LIX1L: variants seen among roughly 807,000 people sequenced by gnomAD.
The protein encoded by LIX1L is limb and CNS expressed 1 like, also known as LIX1-like protein.
In LIX1L, 20 loss-of-function variants were observed where a neutral mutation model predicts 34.0. That is an observed-to-expected ratio of 0.59 (90% CI 0.41 to 0.85). The LOEUF is 0.85. Ranked by LOEUF, LIX1L falls within the 40% of genes least tolerant of loss-of-function variation. The pLI is 0.00. For missense variants in LIX1L, 397 were observed against 447.0 expected (o/e 0.89, Z 1.01); for synonymous variants, 170 against 187.4 (o/e 0.91, Z 0.76).
Position 145,933,964 on chromosome 1 carries a change from C to T in LIX1L, c.*2346G>A. 1 of 152,140 alleles carries T rather than the reference C, an allele frequency of 6.6e-6. No individual in the cohort carries two copies. Among genetic ancestry groups the T allele is most frequent in the East Asian group, 1.9e-4 (1 of 5,210 alleles). The allele number at this position is 152,140 out of a possible 1,614,324, so 9.4% of individuals were successfully genotyped here. A position where few individuals can be genotyped will look rare whatever the true frequency, so the allele number is the denominator to read the frequency against. On this transcript the variant is annotated 3_prime_UTR_variant, in exon 6 of 6. Transcript: ENST00000604000. ...TCAAATCCAAAAGAGCCAATTATAG[C>T]CTGTTTCATAATCTATTTTTATTGT...
intron 1 of LIX1L, among the ~76,000 whole-genome samples, chr1:145,953,711 G>T (rs1424033797): frequency 6.6e-6 from 1 of 152,156 alleles, no homozygotes; most frequent in Admixed American, 6.5e-5. Context: ...ATGGGGAGAT[G>T]ACCTAGATTA....
chr1:145,935,585 C>G lies in LIX1L; in HGVS notation c.*725G>C, dbSNP rs1467251403. 1 of 152,272 alleles carries G rather than the reference C, an allele frequency of 6.6e-6. No individual in the cohort carries two copies. Among genetic ancestry groups the G allele is most frequent in the Non-Finnish European group, 1.5e-5 (1 of 68,048 alleles). The allele number at this position is 152,272 out of a possible 1,614,324, so 9.4% of individuals were successfully genotyped here. A position where few individuals can be genotyped will look rare whatever the true frequency, so the allele number is the denominator to read the frequency against. On this transcript the variant is annotated 3_prime_UTR_variant, in exon 6 of 6. Coordinates refer to ENST00000604000, the MANE Select transcript of LIX1L (RefSeq NM_153713.3). ...GGGAATACTGAAAGAGAATCAGTTT[C>G]AACCATAACCCCCATCTACTGTAGA...
intron 1 of LIX1L, among the ~76,000 whole-genome samples, chr1:145,954,770 T>G (rs917346357): frequency 2.0e-5 from 3 of 152,230 alleles, no homozygotes; most frequent in Non-Finnish European, 4.4e-5. Flanking sequence ...CATTTCCAAA[T>G]GCACAATAGT....
intron 3 of LIX1L, among the ~76,000 whole-genome samples, chr1:145,941,561 C>T (rs1297205362): frequency 6.6e-6 from 1 of 151,776 alleles, no homozygotes; most frequent in Admixed American, 6.6e-5. Flanking sequence ...CCTGTAATTA[C>T]ATCTTAATTA....
chr1:145,956,265 T>C (rs1649469269), intron 1 of LIX1L, among the ~76,000 whole-genome samples: 1 of 152,222 alleles, frequency 6.6e-6, no homozygotes, highest in Admixed American at 6.5e-5. Flanking sequence ...GAATGAATCA[T>C]TAGGCACATA....
chr1:145,957,045 G>T (rs1313798604), intron 1 of LIX1L, among the ~76,000 whole-genome samples: 1 of 152,242 alleles, frequency 6.6e-6, no homozygotes, highest in East Asian at 1.9e-4. Context: ...AAGCTGCTGT[G>T]AGTTCAGTGG....
intron 4 of LIX1L, 129 bp from the exon 5 acceptor site, chr1:145,937,114 T>C (rs1323996151): frequency 4.9e-6 from 2 of 411,614 alleles, no homozygotes; most frequent in African/African-American, 4.2e-5. Flanking sequence ...CTGATAGGCC[T>C]TTGGGGAAGA....
At chr1:145,953,431 C>T (rs781950181) in intron 1 of LIX1L, among the ~76,000 whole-genome samples, 5 of 152,140 alleles carry the variant, frequency 3.3e-5, no homozygotes, top group Non-Finnish European at 5.9e-5. Flanking sequence ...TAGACTGACT[C>T]TATTCACATT....
At chr1:145,937,531 G>T (rs1648706642) in intron 4 of LIX1L, 73 bp downstream of exon 4, 2 of 876,030 alleles carry the variant, frequency 2.3e-6, no homozygotes, top group Non-Finnish European at 1.9e-6. Flanking sequence ...TTAGGAATTA[G>T]TAGGAGCCAT....
At chr1:145,952,976 A>G (rs1334095708) in intron 1 of LIX1L, among the ~76,000 whole-genome samples, 1 of 151,852 alleles carries the variant, frequency 6.6e-6, no homozygotes, top group Admixed American at 6.6e-5. Flanking sequence ...CAGTGGCACA[A>G]TCACACCTCA....
At chr1:145,945,475 G>A (rs587764231) in intron 2 of LIX1L, among the ~76,000 whole-genome samples, 5 of 151,826 alleles carry the variant, frequency 3.3e-5, no homozygotes, top group South Asian at 4.2e-4. Context: ...AGCCAGGCAC[G>A]GTGGCTCACG....
chr1:145,936,573 G>A, intron 5 of LIX1L, 21 bp from the exon 6 acceptor site: 1 of 1,613,518 alleles, frequency 6.2e-7, no homozygotes, highest in Non-Finnish European at 8.5e-7. Context: ...AGGGGAATGT[G>A]AACATCATTG....
intron 2 of LIX1L, among the ~76,000 whole-genome samples, chr1:145,943,233 G>A (rs782127108): frequency 1.3e-5 from 2 of 152,136 alleles, no homozygotes; most frequent in South Asian, 2.1e-4. Flanking sequence ...CTTGTTCTGC[G>A]GACAGGTAAG....
In LIX1L at chr1:145,939,474, T is replaced by A. The variant is rs144397265; in HGVS notation, c.598-1775A>T. ...GTGTGCACTACCATGCCTGGCTAAT[T>A]TTTGTATTTTTTAGTAGAGATGGGG... On this transcript the variant is annotated intron_variant, in intron 3 of 5. Coordinates refer to ENST00000604000, the MANE Select transcript of LIX1L (RefSeq NM_153713.3). 5.7e-3 allele frequency among the ~76,000 whole-genome samples: 863 copies of A among 151,748 alleles called. 7 individuals are homozygous for A. Among genetic ancestry groups the A allele is most frequent in the Middle Eastern group, 0.044 (13 of 294 alleles).
chr1:145,939,642 T>TTCTTTTTC (rs1236468205), intron 3 of LIX1L, among the ~76,000 whole-genome samples: 5 of 148,474 alleles, frequency 3.4e-5, no homozygotes, highest in African/African-American at 9.8e-5. Flanking sequence ...CTTTTTCTTT[T>TTCTTTTTC]TTTTTTTTTT....
At chr1:145,953,871 C>T (rs1001945860) in intron 1 of LIX1L, among the ~76,000 whole-genome samples, 2 of 152,010 alleles carry the variant, frequency 1.3e-5, no homozygotes, top group South Asian at 4.2e-4. Flanking sequence ...CTGGGCAACA[C>T]TGTGGGATCT....
In LIX1L at chr1:145,936,074, C is replaced by CAAGCT. The variant is rs1257050099; in HGVS notation, c.*231_*235dup. 4.0e-6 allele frequency: 2 copies of CAAGCT among 498,044 alleles called. No homozygotes were observed. Among genetic ancestry groups the CAAGCT allele is most frequent in the Non-Finnish European group, 7.0e-6 (2 of 283,878 alleles). The allele number at this position is 498,044 out of a possible 1,614,324, so 30.9% of individuals were successfully genotyped here. A position where few individuals can be genotyped will look rare whatever the true frequency, so the allele number is the denominator to read the frequency against. On this transcript the variant is annotated 3_prime_UTR_variant, in exon 6 of 6. Transcript: ENST00000604000. The stretch of plus-strand genomic sequence containing the variant: ...TTAAGAGCTAACAAAGCTGCAAAGA[C>CAAGCT]AAGCTGCTCTTTGTTGTAAAGTGGA...
intron 2 of LIX1L, among the ~76,000 whole-genome samples, chr1:145,944,984 T>C (rs1267327242): frequency 6.6e-6 from 1 of 151,192 alleles, no homozygotes; most frequent in Non-Finnish European, 1.5e-5. Flanking sequence ...GCCATTATTG[T>C]GCCACTGTAC....
chr1:145,944,914 G>A (rs1649045544), intron 2 of LIX1L, among the ~76,000 whole-genome samples: 1 of 152,026 alleles, frequency 6.6e-6, no homozygotes, highest in Non-Finnish European at 1.5e-5. Context: ...TGCGGCCCCA[G>A]CTATTCAGGA....
Sources: allele counts gnomAD v4.1 joint callset (sites outside exome capture counted in the v4.1 genomes callset), GRCh38; gene constraint gnomAD v4.1.1; transcripts MANE v1.5; gene names NCBI Gene and HGNC (gene_info 2026-07-23, HGNC 2026-07-21).